Variants in CAMSAP3 observed in about 807,000 individuals in gnomAD.
CAMSAP3 encodes the protein calmodulin-regulated spectrin-associated protein 3.
CAMSAP3 carries 34 observed loss-of-function variants against 112.5 expected under a neutral mutation model. The observed-to-expected ratio is 0.30, with a 90% CI of 0.23 to 0.40. CAMSAP3 has a LOEUF of 0.40. CAMSAP3 is among the 10% of genes least tolerant of loss of function. CAMSAP3 has a pLI of 1.00. For missense variants in CAMSAP3, 1,602 were observed against 1,770.3 expected, an observed-to-expected ratio of 0.90 and a Z score of 1.71; for synonymous variants, 868 against 799.8, an observed-to-expected ratio of 1.09 and a Z score of -1.44.
rs1307945887 is a variant in CAMSAP3 at position 7,611,675 on chromosome 19, C to T, written c.1194-12C>T. 6.4e-7 allele frequency: 1 copy of T among 1,565,830 alleles called. No homozygotes were observed. Among genetic ancestry groups the T allele is most frequent in the Non-Finnish European group, 8.7e-7 (1 of 1,152,818 alleles). ...TGGTCCCAGGGGCTGACCCCTCCCT[C>T]CGGCCGCCCAGCCGTCCCCTCTCCC... On this transcript the variant is annotated splice_polypyrimidine_tract_variant and intron_variant, in intron 10 of 16. Coordinates refer to ENST00000160298, the MANE Select transcript of CAMSAP3 (RefSeq NM_020902.2). The surrounding 1 kb of genome is among the most constrained non-coding windows in gnomAD (Gnocchi z 6.9).
rs1228435648 is a variant in CAMSAP3, at chr19:7,610,360, C to A, written c.761-116C>A. 2 of 877,042 alleles carry A rather than the reference C, an allele frequency of 2.3e-6. No homozygotes were observed. The highest frequency in any genetic ancestry group is 3.5e-6 in the Non-Finnish European group (2 of 571,454). 54.3% of individuals were successfully genotyped at this position (877,042 alleles called of 1,614,324 possible). A position where few individuals can be genotyped will look rare whatever the true frequency, so the allele number is the denominator to read the frequency against. The stretch of plus-strand genomic sequence containing the variant: ...AATTCACCTCTCGAAGGGCACCTGG[C>A]AGAAGCTGGGCTCATAGGAGGTCTT... On this transcript the variant is annotated intron_variant, in intron 5 of 16. Coordinates refer to ENST00000160298, the MANE Select transcript of CAMSAP3 (RefSeq NM_020902.2). The surrounding 1 kb of genome is among the most constrained non-coding windows in gnomAD (Gnocchi z 4.9).
At position 7,611,776 on chromosome 19, in the gene CAMSAP3, G is replaced by A; in HGVS notation, c.1283G>A (p.Arg428His). ...DVVMGDPVLL[R>H]SVSSDSLGPP... Reference sequence around the variant, plus strand: ...GTCATGGGAGACCCTGTGCTCCTCCGCTCTGTGAGCTCGGACAGCCTGGGC... The same window carrying A: ...GTCATGGGAGACCCTGTGCTCCTCCACTCTGTGAGCTCGGACAGCCTGGGC... Residue 428 changes from arginine (R) to histidine (H), a missense_variant, in exon 11 of 17, where the codon CGC (arginine) becomes CAC (histidine). By Grantham distance (29) the Arg-to-His change is conservative. Coordinates refer to ENST00000160298, the MANE Select transcript of CAMSAP3 (RefSeq NM_020902.2). This position sits in a 1 kb window ranked among gnomAD's most constrained non-coding sequence, Gnocchi z 6.9. The A allele has an allele frequency of 3.8e-6, 6 of 1,595,848 alleles. No homozygotes were observed. The highest frequency in any genetic ancestry group is 1.3e-5 in the African/African-American group (1 of 74,832).
rs1208001391 is a variant in CAMSAP3, at chr19:7,615,434, GC to G, written c.2831del (p.Pro944ArgfsTer45). ...GATCTGCAGGCTGGCCCAAGAGGAG[GC>G]CCCGGGCCCAGCCCCGCTTGTGTCC... Reference protein sequence around the residue: ...EEAARLAQEEAPGPAPLVSAV... With the variant: ...EEAARLAQEEXPGPAPLVSAV... On this transcript the variant is annotated frameshift_variant, in exon 13 of 17. Transcript: ENST00000160298. LOFTEE classifies it high-confidence loss of function. The surrounding 1 kb of genome is among the most constrained non-coding windows in gnomAD (Gnocchi z 6.5). 1 of 1,540,770 alleles carries G rather than the reference GC, an allele frequency of 6.5e-7. No homozygotes were observed. Among genetic ancestry groups the G allele is most frequent in the Non-Finnish European group, 8.7e-7 (1 of 1,145,950 alleles).
chr19:7,602,178 T>G (rs1313858052), intron 1 of CAMSAP3, among the ~76,000 whole-genome samples: 1 of 152,216 alleles, frequency 6.6e-6, no homozygotes, highest in African/African-American at 2.4e-5. Flanking sequence ...TTTGTGGTTG[T>G]CATTACTTGG....
At chr19:7,606,873 T>C in intron 4 of CAMSAP3, 1 of 1,574,798 alleles carries the variant, frequency 6.4e-7, no homozygotes, top group Admixed American at 1.7e-5. Context: ...TGTCTGTATG[T>C]CTGTTTCTGC....
chr19:7,607,123 A>G lies in CAMSAP3; in HGVS notation c.621+552A>G, dbSNP rs2146165155. On this transcript the variant is annotated intron_variant, in intron 4 of 16. Transcript: ENST00000160298. This position sits in a 1 kb window ranked among gnomAD's most constrained non-coding sequence, Gnocchi z 4.9. ...TTAATGAAGAGGGTGGGACCCCCTG[A>G]ACCTGTCCCCCTTAGCCGAGGTGGG... 6.6e-6 allele frequency among the ~76,000 whole-genome samples: 1 copy of G among 152,232 alleles called. No homozygotes were observed. The highest frequency in any genetic ancestry group is 2.4e-5 in the African/African-American group (1 of 41,568).
chr19:7,601,092 T>C (rs1239827371), intron 1 of CAMSAP3, among the ~76,000 whole-genome samples: 1 of 152,070 alleles, frequency 6.6e-6, no homozygotes, highest in Non-Finnish European at 1.5e-5. Context: ...GTGCTGTAAA[T>C]GTAAAATATA....
At chr19:7,614,835 T>C in intron 11 of CAMSAP3, 1 of 405,376 alleles carries the variant, frequency 2.5e-6, no homozygotes, top group Non-Finnish European at 4.6e-6. Flanking sequence ...GGGTACTTCC[T>C]CTGGGAAGCC....
intron 5 of CAMSAP3, among the ~76,000 whole-genome samples, chr19:7,608,669 C>G (rs1228308633): frequency 5.6e-5 from 8 of 144,016 alleles, no homozygotes; most frequent in Non-Finnish European, 7.5e-5. Context: ...GAGTCTTGCT[C>G]TGTTGCCCAG....
At chr19:7,608,572 A>C (rs2030329138) in intron 5 of CAMSAP3, among the ~76,000 whole-genome samples, 1 of 149,828 alleles carries the variant, frequency 6.7e-6, no homozygotes, top group Admixed American at 6.7e-5. Flanking sequence ...ATAGAGACAC[A>C]CTCCCCACTT....
intron 11 of CAMSAP3, chr19:7,614,934 T>A: frequency 1.7e-6 from 1 of 585,414 alleles, no homozygotes; most frequent in Non-Finnish European, 3.1e-6. Context: ...CTCACTGCTG[T>A]CTGCTGCTTT....
In CAMSAP3 at chr19:7,607,759, G is replaced by T; in HGVS notation, c.622-367G>T. On this transcript the variant is annotated intron_variant, in intron 4 of 16. Transcript: ENST00000160298. The surrounding 1 kb of genome is among the most constrained non-coding windows in gnomAD (Gnocchi z 4.9). ...GGCTACCCCCTCCCCCCCAAGGTGG[G>T]CTTGGGGGCCCAGCAGGTCAGCACC... is the stretch of plus-strand genomic sequence containing the variant. 1.7e-6 allele frequency: 1 copy of T among 594,222 alleles called. No individual in the cohort carries two copies. The highest frequency in any genetic ancestry group is 3.0e-6 in the Non-Finnish European group (1 of 329,878). 36.8% of individuals were successfully genotyped at this position (594,222 alleles called of 1,614,324 possible). A position where few individuals can be genotyped will look rare whatever the true frequency, so the allele number is the denominator to read the frequency against.
intron 1 of CAMSAP3, among the ~76,000 whole-genome samples, chr19:7,601,339 G>T (rs1473358760): frequency 1.3e-5 from 2 of 151,436 alleles, no homozygotes; most frequent in East Asian, 3.9e-4. Flanking sequence ...TTCTTTTTGA[G>T]ACAGCATCTT....
chr19:7,605,552 C>T, intron 2 of CAMSAP3, 73 bp downstream of exon 2: 1 of 1,399,296 alleles, frequency 7.1e-7, no homozygotes, highest in Middle Eastern at 2.3e-4. Flanking sequence ...TCCCGCCAGT[C>T]CTGGCTCCTC....
Position 7,595,904 on chromosome 19 carries a change from G to GGTA in CAMSAP3, c.-98_-97insTAG. 1 of 533,766 alleles carries GGTA rather than the reference G, an allele frequency of 1.9e-6. No individual in the cohort carries two copies. Among genetic ancestry groups the GGTA allele is most frequent in the Non-Finnish European group, 2.4e-6 (1 of 418,758 alleles). The allele number at this position is 533,766 out of a possible 1,614,324, so 33.1% of individuals were successfully genotyped here. ...CGGCGGCGGCGGCGGCGGCGGCAGC[G>GGTA]GCGGTAGCAGCAGCGGGCCCGGCTG... On this transcript the variant is annotated 5_prime_UTR_variant, in exon 1 of 17. Coordinates refer to ENST00000160298, the MANE Select transcript of CAMSAP3 (RefSeq NM_020902.2).
intron 14 of CAMSAP3, among the ~76,000 whole-genome samples, chr19:7,616,949 T>TTTTGTTTG (rs2030834193): frequency 7.0e-6 from 1 of 142,454 alleles, no homozygotes; most frequent in African/African-American, 2.6e-5. Context: ...TTTTTTTTTT[T>TTTTGTTTG]TTTTTTTTTG....
intron 2 of CAMSAP3, 65 bp downstream of exon 2, chr19:7,605,544 C>T (rs2146162962): frequency 1.4e-6 from 2 of 1,410,552 alleles, no homozygotes; most frequent in South Asian, 1.6e-5. Context: ...CAAGCTCCTC[C>T]CGCCAGTCCT....
At chr19:7,596,464 C>T (rs369427445) in intron 1 of CAMSAP3, among the ~76,000 whole-genome samples, 2 of 152,162 alleles carry the variant, frequency 1.3e-5, no homozygotes, top group African/African-American at 4.8e-5. Flanking sequence ...GGGGTCTCCC[C>T]GTGCGGACCT....
chr19:7,603,708 G>A (rs1237500302), intron 1 of CAMSAP3, among the ~76,000 whole-genome samples: 4 of 152,164 alleles, frequency 2.6e-5, no homozygotes, highest in Non-Finnish European at 5.9e-5. Context: ...AAATTGGCTG[G>A]GTGTGGTGGC....
Sources: allele counts gnomAD v4.1 joint callset (sites outside exome capture counted in the v4.1 genomes callset), GRCh38; gene constraint gnomAD v4.1.1; non-coding constraint Gnocchi (gnomAD v3.1); transcripts MANE v1.5; gene names NCBI Gene and HGNC (gene_info 2026-07-23, HGNC 2026-07-21).